The following SIM1 variants were observed in gnomAD, a reference collection of about 807,000 sequenced individuals.
SIM1 encodes the protein SIM bHLH transcription factor 1.
SIM1 carries 18 observed loss-of-function variants against 78.2 expected under a neutral mutation model. That is an observed-to-expected ratio of 0.23 (90% CI 0.16 to 0.34). The LOEUF (loss-of-function observed/expected upper bound fraction) is 0.34. SIM1 is among the 10% of genes least tolerant of loss of function. The probability of loss-of-function intolerance (pLI) is 1.00; values close to 1 mark genes in which losing one functional copy is unlikely to be tolerated. For missense variants in SIM1, 939 were observed against 975.1 expected, an observed-to-expected ratio of 0.96 and a Z score of 0.49; for synonymous variants, 417 against 385.2, an observed-to-expected ratio of 1.08 and a Z score of -0.97.
chr6:100,409,320 G>T (rs1019550211), intron 10 of SIM1, among the ~76,000 whole-genome samples: 1 of 152,022 alleles, frequency 6.6e-6, no homozygotes, highest in Non-Finnish European at 1.5e-5. Flanking sequence ...TATCCAATTT[G>T]TTAGCATATA....
chr6:100,419,426 G>A (rs1771504811), intron 10 of SIM1, among the ~76,000 whole-genome samples: 1 of 152,112 alleles, frequency 6.6e-6, no homozygotes, highest in South Asian at 2.1e-4. Flanking sequence ...CTAGCAAATA[G>A]TAGCCTCTTA....
chr6:100,426,899 A>AT (rs968547042), intron 9 of SIM1, among the ~76,000 whole-genome samples: 3 of 152,150 alleles, frequency 2.0e-5, no homozygotes, highest in Admixed American at 2.0e-4. Context: ...CGATTGAGCT[A>AT]TTTTTTTAAA....
At chr6:100,420,166 A>T (rs1562243190) in intron 10 of SIM1, among the ~76,000 whole-genome samples, 1 of 151,566 alleles carries the variant, frequency 6.6e-6, no homozygotes, top group Non-Finnish European at 1.5e-5. Context: ...CAGAAAAATA[A>T]TTTTTTTTTC....
At chr6:100,461,983 G>A (rs979444912) in intron 2 of SIM1, among the ~76,000 whole-genome samples, 1 of 151,690 alleles carries the variant, frequency 6.6e-6, no homozygotes, top group Non-Finnish European at 1.5e-5. Context: ...TTTGAAGGTA[G>A]AACTGAACTA....
chr6:100,445,429 C>T (rs1326683488), intron 9 of SIM1, among the ~76,000 whole-genome samples: 1 of 152,088 alleles, frequency 6.6e-6, no homozygotes, highest in Non-Finnish European at 1.5e-5. Flanking sequence ...CTTTTTCCTT[C>T]TATTAATCAT....
In SIM1 at chr6:100,409,890, A is replaced by G. The variant is rs7767822; in HGVS notation, c.1167+10900T>C. Among the ~76,000 whole-genome samples, 1,135 of 152,306 alleles carry G rather than the reference A, an allele frequency of 7.5e-3. 10 individuals are homozygous for G. The highest frequency in any genetic ancestry group is 0.026 in the African/African-American group (1,091 of 41,570). On this transcript the variant is annotated intron_variant, in intron 10 of 11. Coordinates refer to ENST00000369208, the MANE Select transcript of SIM1 (RefSeq NM_005068.3). The stretch of plus-strand genomic sequence containing the variant: ...TCATACAACTTTTGTCAGAAAAGAT[A>G]CTTGATATAAGTCCAACCTTCTTGA...
intron 7 of SIM1, 89 bp from the exon 8 acceptor site, chr6:100,448,341 C>G (rs913135174): frequency 1.5e-6 from 2 of 1,354,100 alleles, no homozygotes; most frequent in Non-Finnish European, 2.0e-6. Flanking sequence ...TGACACCTAG[C>G]TGTCCGCCCT....
intron 10 of SIM1, among the ~76,000 whole-genome samples, chr6:100,395,353 T>C (rs563460796): frequency 6.1e-4 from 93 of 152,290 alleles, no homozygotes; most frequent in African/African-American, 2.1e-3. Context: ...CTCCATTTAA[T>C]ACAGGAAGAA....
At position 100,413,744 on chromosome 6, in the gene SIM1, A is replaced by G. The variant is rs1041616791; in HGVS notation, c.1167+7046T>C. On this transcript the variant is annotated intron_variant, in intron 10 of 11. Transcript: ENST00000369208. ...ATCCTATGTCTGATTCCATGTACCT[A>G]CTTTATCTACCATAAATATCTATTT... is the stretch of plus-strand genomic sequence containing the variant. 2.0e-5 allele frequency among the ~76,000 whole-genome samples: 3 copies of G among 152,226 alleles called. No homozygotes were observed. In the East Asian group the frequency reaches 5.8e-4, roughly 29 times the overall value.
chr6:100,462,191 A>G (rs959994651), intron 2 of SIM1, among the ~76,000 whole-genome samples: 2 of 152,184 alleles, frequency 1.3e-5, no homozygotes, highest in African/African-American at 4.8e-5. Flanking sequence ...ATCTAAAATC[A>G]ACAACAACAA....
At chr6:100,397,468 T>C (rs969394518) in intron 10 of SIM1, among the ~76,000 whole-genome samples, 2 of 152,096 alleles carry the variant, frequency 1.3e-5, no homozygotes, top group East Asian at 1.9e-4. Flanking sequence ...TGGACACTCA[T>C]AGGCAAAAAA....
chr6:100,454,065 G>T (rs1772584692), intron 2 of SIM1, among the ~76,000 whole-genome samples: 1 of 152,206 alleles, frequency 6.6e-6, no homozygotes, highest in Non-Finnish European at 1.5e-5. Flanking sequence ...ACTAAAACTG[G>T]TTTCTCAGGC....
At position 100,421,068 on chromosome 6, in the gene SIM1, G is replaced by T. The variant is rs1013298649; in HGVS notation, c.999-110C>A. On this transcript the variant is annotated intron_variant, in intron 9 of 11. Transcript: ENST00000369208. The stretch of plus-strand genomic sequence containing the variant: ...GAATTTGAAAAGAAGGCAAGCAAAA[G>T]TTAGCCCTATAACTAGCTTCCACAA... 4.1e-5 allele frequency: 48 copies of T among 1,166,492 alleles called. 2 individuals are homozygous for T. The Admixed American group carries it at 4.2e-4, about 10-fold the overall frequency. The allele number at this position is 1,166,492 out of a possible 1,614,324, so 72.3% of individuals were successfully genotyped here. A position where few individuals can be genotyped will look rare whatever the true frequency, so the allele number is the denominator to read the frequency against.
intron 9 of SIM1, among the ~76,000 whole-genome samples, chr6:100,422,861 T>G (rs1029269455): frequency 1.3e-5 from 2 of 152,030 alleles, no homozygotes; most frequent in African/African-American, 4.8e-5. Context: ...AGACAAGGAG[T>G]CTCTTAAGTG....
chr6:100,448,417 TCA>T, intron 7 of SIM1, 60 bp downstream of exon 7: 2 of 1,539,062 alleles, frequency 1.3e-6, no homozygotes, highest in Non-Finnish European at 1.8e-6. Context: ...CGGAAATCTC[TCA>T]GTCACTAAGC....
At chr6:100,402,254 T>C in intron 10 of SIM1, among the ~76,000 whole-genome samples, 1 of 152,096 alleles carries the variant, frequency 6.6e-6, no homozygotes, top group East Asian at 1.9e-4. Context: ...TTCAGTACCA[T>C]CTTATAGGCA....
chr6:100,389,356 G>A lies in SIM1; in HGVS notation c.*1005C>T, dbSNP rs1006745230. 4 of 356,624 alleles carry A rather than the reference G, an allele frequency of 1.1e-5. No homozygotes were observed. The highest frequency in any genetic ancestry group is 4.6e-5 in the Admixed American group (1 of 21,506). The allele number at this position is 356,624 out of a possible 1,614,324, so 22.1% of individuals were successfully genotyped here. ...CATTGGCACATATGTGCTTTGAAACGTTTTCAAACACTTAACACTGCTGTC... is the reference window on the plus strand; with the variant it reads ...CATTGGCACATATGTGCTTTGAAACATTTTCAAACACTTAACACTGCTGTC... On this transcript the variant is annotated 3_prime_UTR_variant, in exon 12 of 12. Transcript: ENST00000369208.
At chr6:100,458,109 C>G (rs1421762877) in intron 2 of SIM1, among the ~76,000 whole-genome samples, 1 of 150,286 alleles carries the variant, frequency 6.7e-6, no homozygotes, top group African/African-American at 2.5e-5. Flanking sequence ...TTGGGCTTCC[C>G]GTAGGGATAG....
intron 9 of SIM1, among the ~76,000 whole-genome samples, chr6:100,434,090 C>T (rs961641935): frequency 2.6e-5 from 4 of 152,210 alleles, no homozygotes; most frequent in African/African-American, 7.2e-5. Context: ...CTGTAAAGTG[C>T]CATGTAACGT....
Sources: gnomAD v4.1 joint callset for allele counts (sites outside exome capture counted in the v4.1 genomes callset) on GRCh38, gnomAD v4.1.1 for gene constraint, MANE v1.5 for transcripts, NCBI Gene and HGNC (gene_info 2026-07-23, HGNC 2026-07-21) for gene names.